The following IGSF1 variants were observed in gnomAD, a reference collection of about 807,000 sequenced individuals.
IGSF1 encodes immunoglobulin superfamily member 1.
In IGSF1, 40 loss-of-function variants were observed where a neutral mutation model predicts 95.3. The observed-to-expected ratio is 0.42, with a 90% CI of 0.33 to 0.55. The LOEUF is 0.55. Ranked by LOEUF, IGSF1 falls within the 20% of genes least tolerant of loss-of-function variation. The probability of loss-of-function intolerance (pLI) is 0.10; values close to 1 mark genes in which losing one functional copy is unlikely to be tolerated. For missense variants in IGSF1, 906 were observed against 1,025.4 expected (o/e 0.88, Z 1.59); for synonymous variants, 372 against 382.9 (o/e 0.97, Z 0.33).
At position 131,279,312 on chromosome X, in the gene IGSF1, C is replaced by A; in HGVS notation, c.1676G>T (p.Gly559Val). The A allele has an allele frequency of 8.3e-7, 1 of 1,208,943 alleles. No individual in the cohort carries two copies. The highest frequency in any genetic ancestry group is 3.0e-5 in the East Asian group (1 of 33,705). ...REAWLLGTAQ[G>V]VTMLFIVTAL... ...CGTGACTATGAAGAGCATGGTGACCCCTTGAGCTGTTCCCAGCAACCAGGC... is the reference window on the plus strand; with the variant it reads ...CGTGACTATGAAGAGCATGGTGACCACTTGAGCTGTTCCCAGCAACCAGGC... Residue 559 changes from glycine to valine, a missense_variant, in exon 10 of 20, where the codon GGG becomes GTG. Coordinates refer to ENST00000361420, the MANE Select transcript of IGSF1 (RefSeq NM_001555.5).
At chrX:131,277,815 C>T in intron 13 of IGSF1, 41 bp downstream of exon 13, 4 of 1,151,144 alleles carry the variant, frequency 3.5e-6, no homozygotes. Flanking sequence ...GCCTTTCCCT[C>T]CACCCTGCCC....
At position 131,285,798 on chromosome X, in the gene IGSF1, C is replaced by T; in HGVS notation, c.348G>A (p.Lys116=). Residue 116 remains lysine, a synonymous_variant, in exon 4 of 20, where the codon AAG becomes AAA. Coordinates refer to ENST00000361420, the MANE Select transcript of IGSF1 (RefSeq NM_001555.5). ...CCYWKETGWS[K]PSKVLELEAP... ...CCTCCAACTCTAGAACTTTACTGGG[C>T]TTTGACCAGCCTGTCTCCTTCCAGT... 2.5e-6 allele frequency: 3 copies of T among 1,210,917 alleles called. No individual in the cohort carries two copies. Among genetic ancestry groups the T allele is most frequent in the Non-Finnish European group, 3.4e-6 (3 of 895,004 alleles).
chrX:131,276,105 G>A lies in IGSF1; in HGVS notation c.2752C>T (p.Arg918Trp), dbSNP rs201712796. 4.7e-5 allele frequency: 57 copies of A among 1,209,508 alleles called. No individual in the cohort carries two copies. The highest frequency in any genetic ancestry group is 5.9e-5 in the Non-Finnish European group (53 of 894,988). ...QEGAHVPLQF[R>W]SVSGNSADFL... ...TCAGCTGAGTTCCCTGAGACACTCC[G>A]AAACTGTAAGGGAACATGGGCTCCC... The change falls in exon 15 of 20, where the codon CGG becomes TGG. Residue 918 changes from arginine to tryptophan, a missense_variant. Arg to Trp is a moderately radical substitution (Grantham distance 101, BLOSUM62 -3). This residue lies in a region of IGSF1 where 411 missense variants were observed against 494.9 expected (regional missense o/e 0.83). Coordinates refer to ENST00000361420, the MANE Select transcript of IGSF1 (RefSeq NM_001555.5).
At chrX:131,274,551 G>A in intron 18 of IGSF1, 48 bp downstream of exon 18, 4 of 1,157,045 alleles carry the variant, frequency 3.5e-6, no homozygotes, top group Non-Finnish European at 4.7e-6. Flanking sequence ...ACTGTCCCTG[G>A]GATCCCAGGT....
rs1432811659 is a variant in IGSF1 at position 131,278,684 on chromosome X, C to T, written c.1818G>A (p.Lys606=). The change falls in exon 12 of 20, where the codon AAG becomes AAA. Residue 606 remains lysine, a synonymous_variant. Transcript: ENST00000361420. Reference sequence around the variant, plus strand: ...GGCTTCTGCACCAGAGGGTTAAGTTCTTCCACGGGGCCAGAGGAAAGTTGG... The same window carrying T: ...GGCTTCTGCACCAGAGGGTTAAGTTTTTCCACGGGGCCAGAGGAAAGTTGG... The part of the protein sequence containing the change: ...AETNFPLAPW[K]NLTLWCRSPS... 4 of 1,211,272 alleles carry T rather than the reference C, an allele frequency of 3.3e-6. No individual in the cohort carries two copies. Among genetic ancestry groups the T allele is most frequent in the Non-Finnish European group, 4.5e-6 (4 of 894,886 alleles).
intron 1 of IGSF1, among the ~76,000 whole-genome samples, chrX:131,287,735 T>C (rs888773891): frequency 2.7e-5 from 3 of 111,323 alleles, no homozygotes; most frequent in African/African-American, 9.8e-5. Flanking sequence ...CCATAGGCCT[T>C]GCATATACAC....
chrX:131,284,561 G>A, intron 5 of IGSF1: 8 of 751,538 alleles, frequency 1.1e-5, no homozygotes, highest in Non-Finnish European at 1.3e-5. Flanking sequence ...GCCATGGGGT[G>A]GGGGAGTTCG....
At chrX:131,275,914 C>T in intron 15 of IGSF1, 47 bp downstream of exon 15, 2 of 1,187,887 alleles carry the variant, frequency 1.7e-6, no homozygotes, top group Non-Finnish European at 2.3e-6. Context: ...TCCCTAACCC[C>T]TTCTCCAATG....
At chrX:131,283,683 C>T (rs932549346) in intron 5 of IGSF1, among the ~76,000 whole-genome samples, 1 of 112,326 alleles carries the variant, frequency 8.9e-6, no homozygotes, top group African/African-American at 3.2e-5. Flanking sequence ...TCATTTAAGA[C>T]CCTACTTCTA....
chrX:131,277,823 C>G (rs776256841), intron 13 of IGSF1, 33 bp downstream of exon 13: 8 of 1,180,368 alleles, frequency 6.8e-6, no homozygotes, highest in Non-Finnish European at 9.2e-6. Flanking sequence ...CTCCACCCTG[C>G]CCCCTTTCCT....
chrX:131,278,425 G>A (rs750503205), intron 12 of IGSF1, 36 bp downstream of exon 12: 186 of 1,129,942 alleles, frequency 1.6e-4, no homozygotes, highest in Non-Finnish European at 2.1e-4. Context: ...CAGGGGCACT[G>A]GGGATAACTC....
At chrX:131,289,087 CTG>C (rs372895595) in intron 1 of IGSF1, 125 bp downstream of exon 1, 14 of 338,586 alleles carry the variant, frequency 4.1e-5, no homozygotes, top group African/African-American at 3.4e-4. Flanking sequence ...GGGGGACAGA[CTG>C]GGGAGCAGTT....
intron 1 of IGSF1, among the ~76,000 whole-genome samples, chrX:131,287,351 A>G (rs1296004178): frequency 3.6e-5 from 4 of 109,774 alleles, no homozygotes; most frequent in Non-Finnish European, 7.6e-5. Context: ...GTTTAACTCC[A>G]AGGCCTATGG....
Position 131,286,633 on chromosome X carries a change from C to T in IGSF1, c.42G>A (p.Lys14=). The T allele has an allele frequency of 8.3e-7, 1 of 1,206,003 alleles. No homozygotes were observed. The highest frequency in any genetic ancestry group is 1.8e-5 in the South Asian group (1 of 55,609). The change falls in exon 2 of 20, where the codon AAG becomes AAA. Residue 14 remains lysine, a synonymous_variant. Transcript: ENST00000361420. ...DRPGEGATML[K]TFTVLLFCIR... ...TGCAAAAGAGCAAAACAGTGAATGT[C>T]TTCAGCATGGTGGCCCCCTCCCCTG...
At position 131,285,788 on chromosome X, in the gene IGSF1, C is replaced by A. The variant is rs777220457; in HGVS notation, c.358G>T (p.Val120Phe). The change falls in exon 4 of 20, where the codon GTT becomes TTT. Residue 120 changes from valine (V) to phenylalanine (F), a missense_variant. Coordinates refer to ENST00000361420, the MANE Select transcript of IGSF1 (RefSeq NM_001555.5). ...KETGWSKPSK[V>F]LELEAPGQLP... ...TTACCTGGTGCCTCCAACTCTAGAA[C>A]TTTACTGGGCTTTGACCAGCCTGTC... The A allele has an allele frequency of 1.2e-5, 15 of 1,209,578 alleles. No individual in the cohort carries two copies. The South Asian group carries it at 2.6e-4, about 21-fold the overall frequency.
At position 131,286,663 on chromosome X, in the gene IGSF1, G is replaced by C. The variant is rs757400547; in HGVS notation, c.12C>G (p.Asp4Glu). The C allele has an allele frequency of 1.7e-6, 2 of 1,175,122 alleles. No homozygotes were observed. The highest frequency in any genetic ancestry group is 6.2e-5 in the East Asian group (2 of 32,214). The change falls in exon 2 of 20, where the codon GAC (aspartate) becomes GAG (glutamate). Residue 4 changes from aspartate to glutamate, a missense_variant. By Grantham distance (45) the Asp-to-Glu change is conservative. This residue lies in a region of IGSF1 where 442 missense variants were observed against 448.1 expected (regional missense o/e 0.99). Coordinates refer to ENST00000361420, the MANE Select transcript of IGSF1 (RefSeq NM_001555.5). ...GCATGGTGGCCCCCTCCCCTGGTCT[G>C]TCCAGGGTCATGGGGCCTCTGGTGC... Reference protein sequence around the residue: MTLDRPGEGATMLK... With the variant: MTLERPGEGATMLK...
intron 5 of IGSF1, among the ~76,000 whole-genome samples, chrX:131,283,750 A>G (rs754625239): frequency 2.6e-4 from 29 of 112,355 alleles, no homozygotes; most frequent in African/African-American, 9.1e-4. Context: ...TGCGACCCAA[A>G]TAAATCTTTG....
Position 131,280,444 on chromosome X carries a change from T to C in IGSF1, c.1646+774A>G, listed in dbSNP as rs773136314. Among the ~76,000 whole-genome samples, 5 of 110,142 alleles carry C rather than the reference T, an allele frequency of 4.5e-5. No homozygotes were observed. The South Asian group carries it at 1.2e-3, about 26-fold the overall frequency. ...GGGGGGTACAGCCAGAAGCAGGGAG[T>C]AGGGGGAAGTAGACAAGGTATTCAG... On this transcript the variant is annotated intron_variant, in intron 9 of 19. Coordinates refer to ENST00000361420, the MANE Select transcript of IGSF1 (RefSeq NM_001555.5).
At chrX:131,279,228 C>A in intron 10 of IGSF1, 43 bp downstream of exon 10, 3 of 1,208,630 alleles carry the variant, frequency 2.5e-6, no homozygotes, top group Middle Eastern at 2.3e-4. Flanking sequence ...CGGGACTTCA[C>A]CCCGGCCTTC....
Sources: gnomAD v4.1 joint callset for allele counts (sites outside exome capture counted in the v4.1 genomes callset) on GRCh38, gnomAD v4.1.1 for gene constraint, gnomAD v4.1.1 regional missense constraint, MANE v1.5 for transcripts, NCBI Gene and HGNC (gene_info 2026-07-23, HGNC 2026-07-21) for gene names.